Variants in NKTR observed in about 807,000 individuals in gnomAD.
The protein encoded by NKTR is natural killer cell triggering receptor, also known as NK-tumor recognition protein.
Under a neutral mutation model 156.3 loss-of-function variants are expected in NKTR, and 67 were observed. The observed-to-expected ratio is 0.43, with a 90% CI of 0.35 to 0.53. NKTR has a LOEUF of 0.53. NKTR is among the 20% of genes least tolerant of loss of function. The probability of loss-of-function intolerance (pLI) is 0.01; values close to 1 mark genes in which losing one functional copy is unlikely to be tolerated. For missense variants in NKTR, 1,604 were observed against 1,730.9 expected, an observed-to-expected ratio of 0.93 and a Z score of 1.30; for synonymous variants, 640 against 596.6, an observed-to-expected ratio of 1.07 and a Z score of -1.06.
chr3:42,600,895 C>G, intron 1 of NKTR, 89 bp from the exon 2 acceptor site: 2 of 780,188 alleles, frequency 2.6e-6, no homozygotes, highest in Non-Finnish European at 1.8e-6. Context: ...GGCACCGTGG[C>G]GCGGACTTCG....
At chr3:42,602,818 A>T (rs1214353835) in intron 2 of NKTR, 1 of 151,918 alleles carries the variant, frequency 6.6e-6, no homozygotes, top group Non-Finnish European at 1.5e-5. Flanking sequence ...GGAGTTCGAG[A>T]CCAGCCTGGC....
intron 13 of NKTR, among the ~76,000 whole-genome samples, chr3:42,641,704 C>A (rs1709900661): frequency 6.6e-6 from 1 of 152,018 alleles, no homozygotes. Context: ...ATGGTGAAAC[C>A]CTGTCTCTAC....
chr3:42,643,662 C>G (rs189585379), intron 15 of NKTR: 5 of 663,014 alleles, frequency 7.5e-6, no homozygotes, highest in Non-Finnish European at 1.1e-5. Context: ...CAAACTAACT[C>G]GTTAACTTTG....
chr3:42,638,552 T>C lies in NKTR; in HGVS notation c.2848T>C (p.Ser950Pro). 1 of 1,613,840 alleles carries C rather than the reference T, an allele frequency of 6.2e-7. No homozygotes were observed. Among genetic ancestry groups the C allele is most frequent in the Non-Finnish European group, 8.5e-7 (1 of 1,179,912 alleles). ...GCCTGATGATAATGGTGCTTGGAAA[T>C]CAAGCAAACAGCGCACATCAACTTC... The part of the protein sequence containing the change: ...SLPDDNGAWK[S>P]SKQRTSTSDS... The change falls in exon 13 of 17, where the codon TCA becomes CCA. Residue 950 changes from serine to proline, a missense_variant. By Grantham distance (74) the Ser-to-Pro change is moderately conservative (BLOSUM62 -1). Around this residue, in one of 6 missense-constraint regions of NKTR, gnomAD observed 1,255 missense variants for 1,243.7 expected, o/e 1.01. Transcript: ENST00000232978.
At chr3:42,631,450 T>G in intron 8 of NKTR, 134 bp downstream of exon 8, 2 of 1,007,530 alleles carry the variant, frequency 2.0e-6, no homozygotes, top group South Asian at 3.6e-5. Flanking sequence ...CCTACATGTT[T>G]AATCTTTTAG....
Position 42,638,659 on chromosome 3 carries a change from TAAAAG to T in NKTR, c.2957_2961del (p.Lys986ArgfsTer19), listed in dbSNP as rs772032741. 4.3e-6 allele frequency: 7 copies of T among 1,611,544 alleles called. No individual in the cohort carries two copies. Among genetic ancestry groups the T allele is most frequent in the East Asian group, 2.2e-5 (1 of 44,850 alleles). The stretch of plus-strand genomic sequence containing the variant: ...ACAAACATGGGTCAAAGGAAAATCT[TAAAAG>T]AGAACACACCAAAAAAGTGAAAGAG... On this transcript the variant is annotated frameshift_variant, in exon 13 of 17. Coordinates refer to ENST00000232978, the MANE Select transcript of NKTR (RefSeq NM_005385.4). LOFTEE classifies it high-confidence loss of function.
rs765267271 is a variant in NKTR, at chr3:42,633,637, G to A, written c.831G>A (p.Arg277=). ...GGTCAGTTGATTCCAGTGCTAAAAG[G>A]GAAAAACCTGTGGTCCGCCCAGAAG... is the stretch of plus-strand genomic sequence containing the variant. ...EKRSVDSSAK[R]EKPVVRPEEI... The change falls in exon 10 of 17, where the codon AGG becomes AGA. Residue 277 remains arginine (R), a synonymous_variant. Coordinates refer to ENST00000232978, the MANE Select transcript of NKTR (RefSeq NM_005385.4). The A allele has an allele frequency of 4.3e-6, 7 of 1,614,142 alleles. No individual in the cohort carries two copies. In the East Asian group the frequency reaches 8.9e-5, roughly 21 times the overall value.
chr3:42,611,732 CA>C (rs67202574), intron 2 of NKTR, among the ~76,000 whole-genome samples: 416 of 108,554 alleles, frequency 3.8e-3, no homozygotes, highest in African/African-American at 5.3e-3. Context: ...GACTCTGTCT[CA>C]AAAAAAAAAA....
intron 2 of NKTR, among the ~76,000 whole-genome samples, chr3:42,607,799 G>GT (rs1161635473): frequency 2.0e-5 from 3 of 151,750 alleles, no homozygotes; most frequent in Non-Finnish European, 4.4e-5. Flanking sequence ...ATTATGAGGA[G>GT]TTTTTTCCCA....
In NKTR at chr3:42,632,718, G is replaced by C. The variant is rs1415044908; in HGVS notation, c.668G>C (p.Arg223Thr). 4 of 1,613,804 alleles carry C rather than the reference G, an allele frequency of 2.5e-6. No homozygotes were observed. In the South Asian group the frequency reaches 4.4e-5, roughly 18 times the overall value. Residue 223 changes from arginine to threonine, a missense_variant, in exon 9 of 17, where the codon AGG becomes ACG. This residue lies in a region of NKTR where 1,255 missense variants were observed against 1,243.7 expected (regional missense o/e 1.01). Coordinates refer to ENST00000232978, the MANE Select transcript of NKTR (RefSeq NM_005385.4). ...ESELEHERSRRRKHKRRPKVK... is the reference protein window; with the variant it reads ...ESELEHERSRTRKHKRRPKVK... ...GAACTTGAACATGAGAGAAGCAGAA[G>C]GAGGAAACATAAGAGGAGGCCAAAA... is the stretch of plus-strand genomic sequence containing the variant.
intron 2 of NKTR, among the ~76,000 whole-genome samples, chr3:42,604,636 T>TTG (rs1237588117): frequency 6.7e-6 from 1 of 148,400 alleles, no homozygotes; most frequent in African/African-American, 2.5e-5. Context: ...ACAACTGTAA[T>TTG]TGTGGATTTA....
At chr3:42,625,836 T>TTAA (rs1708329606) in intron 6 of NKTR, among the ~76,000 whole-genome samples, 1 of 152,180 alleles carries the variant, frequency 6.6e-6, no homozygotes, top group African/African-American at 2.4e-5. Flanking sequence ...GCTTAATAAC[T>TTAA]TAATGTTTAT....
intron 16 of NKTR, among the ~76,000 whole-genome samples, chr3:42,645,513 C>T (rs1163162849): frequency 1.3e-5 from 2 of 151,942 alleles, no homozygotes; most frequent in South Asian, 2.1e-4. Context: ...AGTGAAACCC[C>T]GTCTCTACTA....
At chr3:42,645,337 T>C (rs1710257626) in intron 16 of NKTR, among the ~76,000 whole-genome samples, 1 of 152,252 alleles carries the variant, frequency 6.6e-6, no homozygotes, top group East Asian at 1.9e-4. Context: ...TGTTTCTTTA[T>C]TTTATCTTAA....
chr3:42,617,499 GT>G, intron 2 of NKTR, 70 bp from the exon 3 acceptor site: 1 of 780,202 alleles, frequency 1.3e-6, no homozygotes, highest in Admixed American at 2.1e-5. Context: ...TGTTAGCCCT[GT>G]TTCTTTCTCC....
At chr3:42,630,336 C>T in intron 6 of NKTR, 1 of 1,381,052 alleles carries the variant, frequency 7.2e-7, no homozygotes, top group Non-Finnish European at 9.3e-7. Context: ...GATTGTAATT[C>T]ATTATAATCT....
At chr3:42,630,745 T>G (rs1310873938) in intron 7 of NKTR, 170 bp downstream of exon 7, 69 of 1,416,544 alleles carry the variant, frequency 4.9e-5, no homozygotes, top group Non-Finnish European at 5.9e-5. Flanking sequence ...ACCCCATGGC[T>G]CTCATGTGAC....
In NKTR at chr3:42,639,283, A is replaced by G; in HGVS notation, c.3579A>G (p.Lys1193=). Residue 1193 remains lysine, a synonymous_variant, in exon 13 of 17, where the codon AAA becomes AAG. Coordinates refer to ENST00000232978, the MANE Select transcript of NKTR (RefSeq NM_005385.4). ...GTAAAGTGTTGGGTGAAGTGGGGAA[A>G]CAGGACAGCAGCTCTGCTAGCTTGG... The part of the protein sequence containing the change: ...SESKVLGEVG[K]QDSSSASLAS... 1 of 1,614,190 alleles carries G rather than the reference A, an allele frequency of 6.2e-7. No individual in the cohort carries two copies. Among genetic ancestry groups the G allele is most frequent in the Non-Finnish European group, 8.5e-7 (1 of 1,180,018 alleles).
intron 12 of NKTR, 113 bp downstream of exon 12, chr3:42,635,479 G>T: frequency 1.3e-6 from 1 of 796,932 alleles, no homozygotes; most frequent in Non-Finnish European, 1.9e-6. Flanking sequence ...TTCACAGTCA[G>T]ACTGTGACCA....
Sources: gnomAD v4.1 joint callset for allele counts (sites outside exome capture counted in the v4.1 genomes callset) on GRCh38, gnomAD v4.1.1 for gene constraint, gnomAD v4.1.1 regional missense constraint, MANE v1.5 for transcripts, NCBI Gene and HGNC (gene_info 2026-07-23, HGNC 2026-07-21) for gene names.